Variants in GRB10 observed in about 807,000 individuals in gnomAD.
GRB10 encodes the protein growth factor receptor bound protein 10, also known as growth factor receptor-bound protein 10.
A neutral mutation model predicts 80.9 loss-of-function variants in GRB10; 20 were observed. That is an observed-to-expected ratio of 0.25 (90% CI 0.17 to 0.36). GRB10 has a LOEUF of 0.36. Ranked by LOEUF, GRB10 falls within the 10% of genes least tolerant of loss-of-function variation. GRB10 has a pLI of 1.00. For synonymous variants in GRB10, 291 were observed against 291.5 expected (o/e 1.00, Z 0.02); for missense variants, 548 against 747.7 (o/e 0.73, Z 3.12).
intron 5 of GRB10, among the ~76,000 whole-genome samples, chr7:50,685,939 A>C (rs1377916194): frequency 6.6e-6 from 1 of 152,164 alleles, no homozygotes; most frequent in East Asian, 1.9e-4. Context: ...TAAGGGGCAG[A>C]TGATCTAGAG....
chr7:50,705,088 C>T, intron 4 of GRB10: 2 of 942,714 alleles, frequency 2.1e-6, no homozygotes, highest in Non-Finnish European at 2.5e-6. Context: ...GCCCTCCTTG[C>T]TCACGCATGA....
In GRB10 at chr7:50,684,410, G is replaced by A. The variant is rs146848103; in HGVS notation, c.140-9752C>T. Among the ~76,000 whole-genome samples, 65 of 151,270 alleles carry A rather than the reference G, an allele frequency of 4.3e-4. No individual in the cohort carries two copies. In the East Asian group the frequency reaches 9.7e-3, roughly 23 times the overall value. ...AATAAGGAAAGCAATTCATCTTAGC[G>A]ATTTCATCAAAGACCTGGCATCCAA... On this transcript the variant is annotated intron_variant, in intron 5 of 18. Transcript: ENST00000401949.
intron 4 of GRB10, among the ~76,000 whole-genome samples, chr7:50,713,863 A>G (rs554899890): frequency 2.0e-5 from 3 of 148,520 alleles, no homozygotes; most frequent in Admixed American, 6.7e-5. Context: ...TACCACCTCC[A>G]CCCTCACCTC....
chr7:50,636,415 G>A (rs2055033125), intron 7 of GRB10, among the ~76,000 whole-genome samples: 1 of 152,074 alleles, frequency 6.6e-6, no homozygotes, highest in Admixed American at 6.6e-5. Flanking sequence ...AATCAGGCAA[G>A]GACACAACAA....
In GRB10 at chr7:50,668,573, C is replaced by T. The variant is rs190185357; in HGVS notation, c.504+1149G>A. ...AGGGAACATGCGTACTTAATTCATA[C>T]GGGATGGCATGAGGAGTAAATGAAC... is the stretch of plus-strand genomic sequence containing the variant. On this transcript the variant is annotated intron_variant, in intron 7 of 18. Coordinates refer to ENST00000401949, the MANE Select transcript of GRB10 (RefSeq NM_001350814.2). Among the ~76,000 whole-genome samples, 167 of 152,238 alleles carry T rather than the reference C, an allele frequency of 1.1e-3. 1 individual carries two copies. The highest frequency in any genetic ancestry group is 3.5e-3 in the African/African-American group (144 of 41,530).
At chr7:50,667,663 GAA>G (rs759613535) in intron 7 of GRB10, among the ~76,000 whole-genome samples, 1 of 142,402 alleles carries the variant, frequency 7.0e-6, no homozygotes. Flanking sequence ...AGCAAGTCGG[GAA>G]AAAAAAAAAA....
chr7:50,710,130 C>G (rs956387864), intron 4 of GRB10, among the ~76,000 whole-genome samples: 1 of 152,126 alleles, frequency 6.6e-6, no homozygotes, highest in African/African-American at 2.4e-5. Context: ...CTCCTCGTAC[C>G]TTACCCAGCA....
intron 2 of GRB10, among the ~76,000 whole-genome samples, chr7:50,760,509 G>GT (rs556692130): frequency 1.7e-3 from 258 of 152,134 alleles, no homozygotes; most frequent in African/African-American, 5.5e-3. Flanking sequence ...AATTCAAGCA[G>GT]TTTTTTTCTT....
intron 7 of GRB10, among the ~76,000 whole-genome samples, chr7:50,638,188 G>C (rs1040476092): frequency 1.3e-5 from 2 of 152,128 alleles, no homozygotes; most frequent in Non-Finnish European, 2.9e-5. Flanking sequence ...AGAAAACCTA[G>C]GAAAAAACTT....
chr7:50,638,559 G>C (rs993943424), intron 7 of GRB10, among the ~76,000 whole-genome samples: 1 of 152,094 alleles, frequency 6.6e-6, no homozygotes, highest in Non-Finnish European at 1.5e-5. Flanking sequence ...TTATACCACG[G>C]AGAATGGCTA....
chr7:50,597,459 T>A (rs2046868915), intron 17 of GRB10, among the ~76,000 whole-genome samples: 1 of 152,206 alleles, frequency 6.6e-6, no homozygotes, highest in Admixed American at 6.5e-5. Flanking sequence ...AGTCATGTCA[T>A]TCCAAATAAA....
chr7:50,630,864 G>C (rs937079565), intron 7 of GRB10, among the ~76,000 whole-genome samples: 1 of 152,186 alleles, frequency 6.6e-6, no homozygotes, highest in Non-Finnish European at 1.5e-5. Context: ...AAGCCCTGAA[G>C]TGCTAATAGA....
At position 50,707,868 on chromosome 7, in the gene GRB10, T is replaced by C. The variant is rs148855997; in HGVS notation, c.52-3960A>G. On this transcript the variant is annotated intron_variant, in intron 4 of 18. Coordinates refer to ENST00000401949, the MANE Select transcript of GRB10 (RefSeq NM_001350814.2). ...CTGTGAGGTATGAGGCCCATTCCTC[T>C]GTCAGATGACTGCTTTGCCCGAGAC... Among the ~76,000 whole-genome samples the C allele has an allele frequency of 3.3e-5, 5 of 152,334 alleles. 1 individual carries two copies. The highest frequency in any genetic ancestry group is 1.2e-4 in the African/African-American group (5 of 41,568).
At chr7:50,749,121 TG>T (rs1328911473) in intron 3 of GRB10, among the ~76,000 whole-genome samples, 3 of 76,320 alleles carry the variant, frequency 3.9e-5, no homozygotes, top group Non-Finnish European at 7.8e-5. Context: ...TGTTTTGTTT[TG>T]TTTTTTTGTT....
At position 50,616,752 on chromosome 7, in the gene GRB10, T is replaced by C. The variant is rs188619897; in HGVS notation, c.847-405A>G. ...CTCCAGTCAAGGGTCACATAAAAGG[T>C]GTCATGTGTCCGCAAGTGATGCACC... On this transcript the variant is annotated intron_variant, in intron 10 of 18. Coordinates refer to ENST00000401949, the MANE Select transcript of GRB10 (RefSeq NM_001350814.2). Among the ~76,000 whole-genome samples the C allele has an allele frequency of 1.5e-4, 23 of 152,304 alleles. No homozygotes were observed. In the East Asian group the frequency reaches 4.4e-3, roughly 29 times the overall value.
At chr7:50,792,409 G>A (rs1389444832) in intron 1 of GRB10, 3 of 398,248 alleles carry the variant, frequency 7.5e-6, no homozygotes, top group African/African-American at 2.1e-5. Flanking sequence ...CCAATCCCAA[G>A]AAAAGACGCA....
chr7:50,776,298 T>C (rs768810867), intron 2 of GRB10, among the ~76,000 whole-genome samples: 1 of 152,156 alleles, frequency 6.6e-6, no homozygotes, highest in South Asian at 2.1e-4. Context: ...ACTGTAGCCT[T>C]GACCTCCCAG....
intron 7 of GRB10, among the ~76,000 whole-genome samples, chr7:50,632,795 ACT>A (rs542023992): frequency 1.7e-3 from 265 of 151,848 alleles, no homozygotes; most frequent in Non-Finnish European, 3.4e-3. Flanking sequence ...TACTGAAGAG[ACT>A]CTGTTGCGCA....
intron 1 of GRB10, among the ~76,000 whole-genome samples, chr7:50,788,922 G>C (rs2078801694): frequency 6.6e-6 from 1 of 152,230 alleles, no homozygotes; most frequent in Admixed American, 6.5e-5. Context: ...CACACCCAAT[G>C]CTGCTGCCCA....
Sources: allele counts gnomAD v4.1 joint callset (sites outside exome capture counted in the v4.1 genomes callset), GRCh38; gene constraint gnomAD v4.1.1; transcripts MANE v1.5; gene names NCBI Gene and HGNC (gene_info 2026-07-23, HGNC 2026-07-21).